Variants in PTPRO observed in about 807,000 individuals in gnomAD.
PTPRO encodes protein tyrosine phosphatase receptor type O.
In PTPRO, 62 loss-of-function variants were observed where a neutral mutation model predicts 145.2. That is an observed-to-expected ratio of 0.43 (90% confidence interval 0.35 to 0.53). The LOEUF is 0.53. Among genes scored for constraint, PTPRO ranks in the 20% least tolerant of loss-of-function variants. The pLI is 0.01. For missense variants in PTPRO, 1,345 were observed against 1,482.7 expected (o/e 0.91, Z 1.53); for synonymous variants, 565 against 514.7 (o/e 1.10, Z -1.32).
chr12:15,395,926 T>C (rs538072383), intron 1 of PTPRO, among the ~76,000 whole-genome samples: 73 of 152,186 alleles, frequency 4.8e-4, no homozygotes, highest in African/African-American at 1.6e-3. Context: ...AGACAAAGTG[T>C]ATGGTTGTTT....
At chr12:15,536,053 T>TAA (rs1555174363) in intron 12 of PTPRO, among the ~76,000 whole-genome samples, 1 of 152,050 alleles carries the variant, frequency 6.6e-6, no homozygotes, top group Non-Finnish European at 1.5e-5. Context: ...TATACTTTTT[T>TAA]AAAAAATTAT....
chr12:15,589,507 C>G lies in PTPRO; in HGVS notation c.3463C>G (p.His1155Asp), dbSNP rs61757814. 1.9e-4 allele frequency: 300 copies of G among 1,613,940 alleles called. 1 individual carries two copies. The highest frequency in any genetic ancestry group is 2.3e-4 in the Non-Finnish European group (276 of 1,180,000). ...CATTGCCCTGGACAGGCTCTTGCAG[C>G]ACATTCGGGATCATGAGTTTGTTGA... is the stretch of plus-strand genomic sequence containing the variant. The part of the protein sequence containing the change: ...TFIALDRLLQ[H>D]IRDHEFVDIL... The change falls in exon 25 of 27, where the codon CAC becomes GAC. Residue 1155 changes from histidine to aspartate, a missense_variant. Physicochemically the swap from His to Asp is moderately conservative, Grantham distance 81. This residue lies in a region of PTPRO where 208 missense variants were observed against 242.8 expected (regional missense o/e 0.86). Coordinates refer to ENST00000281171, the MANE Select transcript of PTPRO (RefSeq NM_030667.3).
At chr12:15,527,259 G>A (rs1235712972) in intron 12 of PTPRO, among the ~76,000 whole-genome samples, 1 of 152,128 alleles carries the variant, frequency 6.6e-6, no homozygotes, top group Non-Finnish European at 1.5e-5. Context: ...CATTCGTGAC[G>A]CCTCCCCCGC....
At chr12:15,367,322 A>C (rs1418527562) in intron 1 of PTPRO, among the ~76,000 whole-genome samples, 1 of 152,206 alleles carries the variant, frequency 6.6e-6, no homozygotes, top group Non-Finnish European at 1.5e-5. Context: ...TACATAAAGG[A>C]AAGAGTTTAA....
intron 1 of PTPRO, among the ~76,000 whole-genome samples, chr12:15,469,871 T>C (rs1302026584): frequency 6.6e-6 from 1 of 152,196 alleles, no homozygotes; most frequent in African/African-American, 2.4e-5. Flanking sequence ...GTTACTGTTT[T>C]TGGAGGATCT....
At chr12:15,520,635 G>A (rs1248988281) in intron 10 of PTPRO, among the ~76,000 whole-genome samples, 1 of 152,084 alleles carries the variant, frequency 6.6e-6, no homozygotes, top group African/African-American at 2.4e-5. Context: ...CTGCACAGTC[G>A]ATTGATTTTA....
chr12:15,345,622 A>G (rs1289862517), intron 1 of PTPRO, among the ~76,000 whole-genome samples: 1 of 152,102 alleles, frequency 6.6e-6, no homozygotes, highest in Non-Finnish European at 1.5e-5. Context: ...GTGGGGGGTT[A>G]GCATTAGGAG....
chr12:15,459,374 A>C (rs1211475244), intron 1 of PTPRO, among the ~76,000 whole-genome samples: 1 of 152,170 alleles, frequency 6.6e-6, no homozygotes, highest in Admixed American at 6.5e-5. Context: ...CAGAAGTCAG[A>C]TCCTTGGGCA....
intron 10 of PTPRO, 123 bp from the exon 11 acceptor site, chr12:15,524,691 G>A (rs1050759154): frequency 2.9e-6 from 3 of 1,041,460 alleles, no homozygotes; most frequent in Non-Finnish European, 1.5e-6. Flanking sequence ...AAGTTACCGG[G>A]ACTATCGTGT....
At chr12:15,399,033 C>T (rs1939420068) in intron 1 of PTPRO, among the ~76,000 whole-genome samples, 1 of 152,172 alleles carries the variant, frequency 6.6e-6, no homozygotes, top group Admixed American at 6.5e-5. Flanking sequence ...GGTGGTCGGA[C>T]AGGATTTCCA....
At position 15,580,733 on chromosome 12, in the gene PTPRO, G is replaced by A; in HGVS notation, c.3034G>A (p.Gly1012Arg). 6.2e-7 allele frequency: 1 copy of A among 1,614,026 alleles called. No individual in the cohort carries two copies. The highest frequency in any genetic ancestry group is 8.5e-7 in the Non-Finnish European group (1 of 1,179,962). The change falls in exon 22 of 27, where the codon GGG (glycine) becomes AGG (arginine). Residue 1012 changes from glycine (G) to arginine (R), a missense_variant. Coordinates refer to ENST00000281171, the MANE Select transcript of PTPRO (RefSeq NM_030667.3). ...ACCCCAGGAGTATATTGCCACCCAGGGGCCACTGCCTGAAACCAGAAATGA... is the reference window on the plus strand; with the variant it reads ...ACCCCAGGAGTATATTGCCACCCAGAGGCCACTGCCTGAAACCAGAAATGA... ...NSPQEYIATQ[G>R]PLPETRNDFW...
intron 1 of PTPRO, among the ~76,000 whole-genome samples, chr12:15,465,733 C>T (rs1481791744): frequency 2.0e-5 from 3 of 152,026 alleles, no homozygotes; most frequent in Non-Finnish European, 4.4e-5. Context: ...GGGAAGCAGC[C>T]GGGGCATATG....
At chr12:15,576,048 A>G (rs2135630887) in intron 19 of PTPRO, among the ~76,000 whole-genome samples, 1 of 152,336 alleles carries the variant, frequency 6.6e-6, no homozygotes, top group African/African-American at 2.4e-5. Context: ...AGATGACTGT[A>G]TAGCCTAGAA....
At position 15,418,301 on chromosome 12, in the gene PTPRO, A is replaced by T. The variant is rs143675174; in HGVS notation, c.76-65673A>T. Among the ~76,000 whole-genome samples the T allele has an allele frequency of 1.2e-4, 18 of 151,892 alleles. No homozygotes were observed. The East Asian group carries it at 3.3e-3, about 28-fold the overall frequency. On this transcript the variant is annotated intron_variant, in intron 1 of 26. Coordinates refer to ENST00000281171, the MANE Select transcript of PTPRO (RefSeq NM_030667.3). ...ACAAATTAATTATGGCTATAGATTA[A>T]CTGCTTTGTTAACTCCATAATTTCT...
At chr12:15,466,065 T>C (rs1428549881) in intron 1 of PTPRO, among the ~76,000 whole-genome samples, 1 of 152,196 alleles carries the variant, frequency 6.6e-6, no homozygotes, top group Non-Finnish European at 1.5e-5. Flanking sequence ...ACCCCATTTT[T>C]CAGATGAGAG....
At chr12:15,438,442 G>T (rs1278750797) in intron 1 of PTPRO, among the ~76,000 whole-genome samples, 2 of 151,890 alleles carry the variant, frequency 1.3e-5, no homozygotes, top group Non-Finnish European at 2.9e-5. Context: ...AGACAAGGTT[G>T]AAAATCAACA....
intron 3 of PTPRO, 22 bp downstream of exon 3, chr12:15,497,425 G>A (rs746543150): frequency 4.4e-5 from 71 of 1,609,054 alleles, no homozygotes; most frequent in Non-Finnish European, 5.8e-5. Context: ...AAGGAAAGCT[G>A]AATCAATGAT....
chr12:15,552,795 CTTTTTTTT>C (rs747379253), intron 15 of PTPRO, among the ~76,000 whole-genome samples: 9 of 91,548 alleles, frequency 9.8e-5, no homozygotes, highest in African/African-American at 3.9e-4. Context: ...GAGGTCAAAT[CTTTTTTTT>C]TTTTTTTTTT....
intron 12 of PTPRO, among the ~76,000 whole-genome samples, chr12:15,541,430 T>G (rs1454279357): frequency 6.6e-6 from 1 of 152,192 alleles, no homozygotes; most frequent in Non-Finnish European, 1.5e-5. Context: ...AGAGACTGTA[T>G]TAGTTTGCTA....
Sources: allele counts gnomAD v4.1 joint callset (sites outside exome capture counted in the v4.1 genomes callset), GRCh38; gene constraint gnomAD v4.1.1; regional missense constraint gnomAD v4.1.1; transcripts MANE v1.5; gene names NCBI Gene and HGNC (gene_info 2026-07-23, HGNC 2026-07-21).